PIEZO2: variants seen among roughly 807,000 people sequenced by gnomAD.
PIEZO2 encodes the protein piezo type mechanosensitive ion channel component 2.
A neutral mutation model predicts 337.3 loss-of-function variants in PIEZO2; 172 were observed. That is an observed-to-expected ratio of 0.51 (90% CI 0.45 to 0.58). PIEZO2 has a LOEUF of 0.58. Ranked by LOEUF, PIEZO2 falls within the 20% of genes least tolerant of loss-of-function variation. The probability of loss-of-function intolerance (pLI) is 0.00; values close to 1 mark genes in which losing one functional copy is unlikely to be tolerated. For missense variants in PIEZO2, 3,028 were observed against 3,391.3 expected (o/e 0.89, Z 2.66); for synonymous variants, 1,251 against 1,228.5 (o/e 1.02, Z -0.38).
At chr18:11,121,639 C>T (rs756073361) in intron 1 of PIEZO2, among the ~76,000 whole-genome samples, 3 of 152,160 alleles carry the variant, frequency 2.0e-5, no homozygotes, top group Non-Finnish European at 2.9e-5. Context: ...CCAGTAAGTC[C>T]GGTGCTCCCC....
rs1362610507 is a variant in PIEZO2, at chr18:10,899,701, G to A, written c.329+11485C>T. On this transcript the variant is annotated intron_variant, in intron 4 of 55. Transcript: ENST00000674853. This position sits in a 1 kb window ranked among gnomAD's most constrained non-coding sequence, Gnocchi z 4.6. ...CCATATCAAACAGCATGAATTTCCTGTCTACTGTTCATCATGCTGTCTACA... is the reference window on the plus strand; with the variant it reads ...CCATATCAAACAGCATGAATTTCCTATCTACTGTTCATCATGCTGTCTACA... Among the ~76,000 whole-genome samples the A allele has an allele frequency of 6.6e-6, 1 of 152,082 alleles. No homozygotes were observed. The highest frequency in any genetic ancestry group is 1.5e-5 in the Non-Finnish European group (1 of 68,010).
intron 7 of PIEZO2, among the ~76,000 whole-genome samples, chr18:10,845,324 TA>T (rs1167799345): frequency 6.6e-6 from 1 of 152,110 alleles, no homozygotes; most frequent in Non-Finnish European, 1.5e-5. Context: ...AGACAGGATT[TA>T]TTTTTTTGTT....
intron 2 of PIEZO2, among the ~76,000 whole-genome samples, chr18:10,984,773 G>A (rs921112954): frequency 6.6e-6 from 1 of 152,036 alleles, no homozygotes; most frequent in East Asian, 1.9e-4. Context: ...GTAAAAAGAG[G>A]TCTTCATAGA....
In PIEZO2 at chr18:10,953,561, C is replaced by T. The variant is rs185133038; in HGVS notation, c.286+25974G>A. Among the ~76,000 whole-genome samples, 5 of 152,082 alleles carry T rather than the reference C, an allele frequency of 3.3e-5. No homozygotes were observed. Among genetic ancestry groups the T allele is most frequent in the Admixed American group, 2.0e-4 (3 of 15,282 alleles). On this transcript the variant is annotated intron_variant, in intron 3 of 55. Coordinates refer to ENST00000674853, the MANE Select transcript of PIEZO2 (RefSeq NM_001378183.1). This position sits in a 1 kb window ranked among gnomAD's most constrained non-coding sequence, Gnocchi z 5.2. ...AGTGGCCGTGCACATACATGTGGGT[C>T]TATTTCTGTACTCTTTTTTTCCTTC...
chr18:10,844,945 A>G (rs2041309004), intron 7 of PIEZO2, among the ~76,000 whole-genome samples: 1 of 152,122 alleles, frequency 6.6e-6, no homozygotes, highest in Non-Finnish European at 1.5e-5. Context: ...ATTGCTTAAA[A>G]CCAAAATTTG....
chr18:10,796,793 CTCATACATACCATCATA>C, intron 12 of PIEZO2, among the ~76,000 whole-genome samples: 1 of 152,214 alleles, frequency 6.6e-6, no homozygotes, highest in Middle Eastern at 3.2e-3. Context: ...GCAGCCGCCA[CTCATACATACCATCATA>C]TCATACATAC....
At chr18:10,711,796 C>T (rs2035830467) in intron 39 of PIEZO2, among the ~76,000 whole-genome samples, 1 of 151,964 alleles carries the variant, frequency 6.6e-6, no homozygotes, top group African/African-American at 2.4e-5. Flanking sequence ...CAGGAGGAAA[C>T]GATTCCAGTT....
chr18:10,873,250 G>T (rs944638701), intron 4 of PIEZO2, among the ~76,000 whole-genome samples: 2 of 152,132 alleles, frequency 1.3e-5, no homozygotes, highest in African/African-American at 2.4e-5. Flanking sequence ...TTCGTGCTAA[G>T]AGCTTTAGAC....
chr18:10,933,012 A>ACTCGATACATATTTTCCAAG (rs1248853103), intron 3 of PIEZO2, among the ~76,000 whole-genome samples: 2 of 152,166 alleles, frequency 1.3e-5, no homozygotes, highest in African/African-American at 4.8e-5. Context: ...TTTAGGCACA[A>ACTCGATACATATTTTCCAAG]CAGAGTGGAG....
At chr18:10,700,679 A>C (rs1232105256) in intron 43 of PIEZO2, among the ~76,000 whole-genome samples, 1 of 152,230 alleles carries the variant, frequency 6.6e-6, no homozygotes, top group African/African-American at 2.4e-5. Context: ...TATACCATCA[A>C]GTATTAAATA....
At chr18:10,835,334 T>C (rs1374696154) in intron 7 of PIEZO2, among the ~76,000 whole-genome samples, 1 of 151,390 alleles carries the variant, frequency 6.6e-6, no homozygotes. Flanking sequence ...AGACATTCCA[T>C]ATTTAGAATA....
rs888976916 is a variant in PIEZO2 at position 11,023,792 on chromosome 18, G to A, written c.160+42335C>T. 1.1e-4 allele frequency among the ~76,000 whole-genome samples: 17 copies of A among 152,334 alleles called. No homozygotes were observed. The South Asian group carries it at 2.1e-3, about 19-fold the overall frequency. On this transcript the variant is annotated intron_variant, in intron 2 of 55. Transcript: ENST00000674853. ...GGCTGCAGGTCCCGAACCCTGCCCCGCTGGGAGGCAGCTAAGGCCCGGCGA... is the reference window on the plus strand; with the variant it reads ...GGCTGCAGGTCCCGAACCCTGCCCCACTGGGAGGCAGCTAAGGCCCGGCGA...
chr18:10,826,325 G>C (rs549011668), intron 7 of PIEZO2, among the ~76,000 whole-genome samples: 5 of 152,306 alleles, frequency 3.3e-5, no homozygotes, highest in East Asian at 3.9e-4. Context: ...GTAAATATGA[G>C]TTCCTAATGA....
chr18:10,684,134 CTT>C lies in PIEZO2; in HGVS notation c.7498-1844_7498-1843del, dbSNP rs1354242681. On this transcript the variant is annotated intron_variant, in intron 49 of 55. Transcript: ENST00000674853. ...TTTCTTTCTTTCTTTCTCTCTCTCT[CTT>C]TCTTTCTCTGTCTTTCCTCTTTTTT... Among the ~76,000 whole-genome samples the C allele has an allele frequency of 6.3e-5, 7 of 111,644 alleles. No individual in the cohort carries two copies. In the East Asian group the frequency reaches 1.7e-3, roughly 27 times the overall value. The allele number at this position is 111,644 out of a possible 152,430, so 73.2% of individuals were successfully genotyped here.
intron 39 of PIEZO2, among the ~76,000 whole-genome samples, chr18:10,711,375 C>CT (rs2035812899): frequency 6.6e-6 from 1 of 151,970 alleles, no homozygotes; most frequent in African/African-American, 2.4e-5. Context: ...TCTAGAGCAT[C>CT]TTTTTTCAAG....
chr18:10,912,136 A>G (rs940204060), intron 3 of PIEZO2, among the ~76,000 whole-genome samples: 2 of 152,180 alleles, frequency 1.3e-5, no homozygotes, highest in African/African-American at 4.8e-5. Flanking sequence ...CAGTATATCC[A>G]AATCCATAAG....
chr18:11,049,227 C>G (rs1022246604), intron 2 of PIEZO2, among the ~76,000 whole-genome samples: 2 of 152,152 alleles, frequency 1.3e-5, no homozygotes, highest in Non-Finnish European at 2.9e-5. Context: ...GCCAGCCCCT[C>G]AGTGTTCTCT....
In PIEZO2 at chr18:10,816,936, C is replaced by T. The variant is rs114811006; in HGVS notation, c.918-9662G>A. ...AAAACATTGAAGATACGTTGGGGCT[C>T]ATCAAGCAGAGGAATAAAATTAGGC... On this transcript the variant is annotated intron_variant, in intron 7 of 55. Coordinates refer to ENST00000674853, the MANE Select transcript of PIEZO2 (RefSeq NM_001378183.1). Among the ~76,000 whole-genome samples, 253 of 152,220 alleles carry T rather than the reference C, an allele frequency of 1.7e-3. 2 individuals are homozygous for T. The highest frequency in any genetic ancestry group is 5.7e-3 in the African/African-American group (238 of 41,536).
chr18:11,135,723 T>A (rs566041350), intron 1 of PIEZO2, among the ~76,000 whole-genome samples: 110 of 152,296 alleles, frequency 7.2e-4, no homozygotes, highest in African/African-American at 2.6e-3. Flanking sequence ...AATTTTTGTA[T>A]TTTTAGTAGA....
Sources: allele counts gnomAD v4.1 joint callset (sites outside exome capture counted in the v4.1 genomes callset), GRCh38; gene constraint gnomAD v4.1.1; non-coding constraint Gnocchi (gnomAD v3.1); transcripts MANE v1.5; gene names NCBI Gene and HGNC (gene_info 2026-07-23, HGNC 2026-07-21).